Variants in EGF observed in about 807,000 individuals in gnomAD.
EGF encodes the protein epidermal growth factor, also known as pro-epidermal growth factor.
Under a neutral mutation model 143.8 loss-of-function variants are expected in EGF, and 95 were observed. The observed-to-expected ratio is 0.66, with a 90% CI of 0.56 to 0.78. The LOEUF (loss-of-function observed/expected upper bound fraction) is 0.78, where lower values mean the gene tolerates loss of function less well. Among genes scored for constraint, EGF ranks in the 30% least tolerant of loss-of-function variants. EGF has a pLI of 0.00. For missense variants in EGF, 1,320 were observed against 1,470.9 expected, an observed-to-expected ratio of 0.90 and a Z score of 1.68; for synonymous variants, 510 against 510.5, an observed-to-expected ratio of 1.00 and a Z score of 0.01.
intron 10 of EGF, 37 bp downstream of exon 10, chr4:109,964,574 T>C: frequency 6.2e-7 from 1 of 1,613,342 alleles, no homozygotes; most frequent in South Asian, 1.1e-5. Context: ...TGGACATGCT[T>C]TAAGGACAGA....
chr4:109,990,009 A>G (rs960882480), intron 18 of EGF, among the ~76,000 whole-genome samples: 2 of 152,130 alleles, frequency 1.3e-5, no homozygotes, highest in African/African-American at 4.8e-5. Flanking sequence ...GTAAAATTTT[A>G]TCCTTATTAT....
At chr4:109,931,930 ACTACT>A (rs1213096822) in intron 1 of EGF, among the ~76,000 whole-genome samples, 7 of 152,320 alleles carry the variant, frequency 4.6e-5, no homozygotes, top group Admixed American at 1.3e-4. Context: ...TAGTTTTATA[ACTACT>A]CTATTTTTTT....
chr4:109,932,887 C>T (rs1740042662), intron 1 of EGF, among the ~76,000 whole-genome samples: 1 of 152,092 alleles, frequency 6.6e-6, no homozygotes, highest in Non-Finnish European at 1.5e-5. Context: ...TAAGGTGTCT[C>T]TTCCTAGTGT....
At chr4:109,972,936 G>A (rs1378404600) in intron 11 of EGF, among the ~76,000 whole-genome samples, 2 of 152,178 alleles carry the variant, frequency 1.3e-5, no homozygotes, top group Admixed American at 1.3e-4. Flanking sequence ...GTGTTTCTAG[G>A]CAGGCTTGTT....
intron 1 of EGF, among the ~76,000 whole-genome samples, chr4:109,940,272 T>C (rs1741683404): frequency 6.6e-6 from 1 of 152,172 alleles, no homozygotes; most frequent in Admixed American, 6.5e-5. Flanking sequence ...AAATGCAAAG[T>C]GCCCAGTCAA....
chr4:109,980,661 T>C (rs1578332264), intron 14 of EGF, 165 bp from the exon 15 acceptor site: 1 of 775,140 alleles, frequency 1.3e-6, no homozygotes, highest in Non-Finnish European at 2.2e-6. Flanking sequence ...CAGTGGCTCC[T>C]TGGGGGAACT....
At chr4:109,992,764 A>G (rs940601843) in intron 18 of EGF, among the ~76,000 whole-genome samples, 5 of 152,056 alleles carry the variant, frequency 3.3e-5, no homozygotes, top group South Asian at 2.1e-4. Context: ...ATACTATGCA[A>G]CCATAAAAAA....
intron 5 of EGF, among the ~76,000 whole-genome samples, chr4:109,949,242 T>C (rs1396616681): frequency 6.6e-6 from 1 of 152,034 alleles, no homozygotes; most frequent in East Asian, 1.9e-4. Context: ...CTAATTTGTA[T>C]TTTTAGTAGA....
intron 5 of EGF, among the ~76,000 whole-genome samples, chr4:109,956,358 A>G (rs908991735): frequency 2.6e-5 from 4 of 152,216 alleles, no homozygotes; most frequent in African/African-American, 9.6e-5. Flanking sequence ...GAGTTTTTAT[A>G]AGAAGCATAG....
intron 1 of EGF, among the ~76,000 whole-genome samples, chr4:109,936,692 C>T (rs569988929): frequency 2.6e-5 from 4 of 152,234 alleles, no homozygotes; most frequent in Non-Finnish European, 4.4e-5. Flanking sequence ...TATACATTTC[C>T]GTATAAACAC....
chr4:110,008,439 A>G (rs1432976062), intron 23 of EGF, among the ~76,000 whole-genome samples: 1 of 152,208 alleles, frequency 6.6e-6, no homozygotes, highest in African/African-American at 2.4e-5. Flanking sequence ...ACGTTCACTC[A>G]AAACTCTAGT....
intron 13 of EGF, among the ~76,000 whole-genome samples, chr4:109,979,566 C>G (rs1220197985): frequency 6.6e-6 from 1 of 152,184 alleles, no homozygotes; most frequent in East Asian, 1.9e-4. Flanking sequence ...CCCCTTATTA[C>G]TGCTGCTCAA....
intron 11 of EGF, 130 bp from the exon 12 acceptor site, chr4:109,974,573 G>C: frequency 1.4e-6 from 1 of 696,692 alleles, no homozygotes; most frequent in South Asian, 1.6e-5. Flanking sequence ...TAAGAGATAG[G>C]GAGAGAGAAA....
rs1751297564 is a variant in EGF at position 109,993,297 on chromosome 4, T to A, written c.2785T>A (p.Cys929Ser). The A allele has an allele frequency of 3.7e-6, 6 of 1,613,760 alleles. No homozygotes were observed. Among genetic ancestry groups the A allele is most frequent in the Non-Finnish European group, 5.1e-6 (6 of 1,179,916 alleles). Residue 929 changes from cysteine (C) to serine (S), a missense_variant, in exon 19 of 24, where the codon TGC becomes AGC. Transcript: ENST00000265171. ...GCACAGCTGTGGAGAGAATGCCAGC[T>A]GCACAAATACAGAGGGAGGCTATAC... ...GEHSCGENAS[C>S]TNTEGGYTCM...
chr4:109,919,872 C>T (rs993469723), intron 1 of EGF, among the ~76,000 whole-genome samples: 7 of 151,558 alleles, frequency 4.6e-5, no homozygotes, highest in Non-Finnish European at 8.8e-5. Context: ...GAAATGTGCC[C>T]TTATTTAGTA....
intron 4 of EGF, among the ~76,000 whole-genome samples, chr4:109,944,357 A>G: frequency 6.6e-6 from 1 of 152,088 alleles, no homozygotes; most frequent in Non-Finnish European, 1.5e-5. Context: ...GAGAATGGCG[A>G]GAACCCGGGA....
rs1745098366 is a variant in EGF at position 109,958,123 on chromosome 4, A to G, written c.941-1189A>G. Among the ~76,000 whole-genome samples the G allele has an allele frequency of 2.0e-5, 3 of 152,240 alleles. No individual in the cohort carries two copies. The South Asian group carries it at 6.2e-4, about 32-fold the overall frequency. Reference sequence around the variant, plus strand: ...CTAATATAAAACGGTGTATTTGTATATAACCTAGCCACATCCTCCCATATA... The same window carrying G: ...CTAATATAAAACGGTGTATTTGTATGTAACCTAGCCACATCCTCCCATATA... On this transcript the variant is annotated intron_variant, in intron 5 of 23. Transcript: ENST00000265171.
chr4:109,944,458 A>G (rs1226706315), intron 4 of EGF, among the ~76,000 whole-genome samples: 2 of 152,214 alleles, frequency 1.3e-5, no homozygotes, highest in African/African-American at 2.4e-5. Flanking sequence ...ACTTGAGTTC[A>G]AGCTCCAGAT....
intron 20 of EGF, among the ~76,000 whole-genome samples, chr4:109,998,497 C>T (rs528135839): frequency 6.6e-6 from 1 of 152,202 alleles, no homozygotes; most frequent in Non-Finnish European, 1.5e-5. Flanking sequence ...ACTCCTTGAG[C>T]CTCAGTTTCC....
Sources: allele counts gnomAD v4.1 joint callset (sites outside exome capture counted in the v4.1 genomes callset), GRCh38; gene constraint gnomAD v4.1.1; transcripts MANE v1.5; gene names NCBI Gene and HGNC (gene_info 2026-07-23, HGNC 2026-07-21).